The following NEXMIF variants were observed in gnomAD, a reference collection of about 807,000 sequenced individuals.
NEXMIF encodes the protein neurite extension and migration factor.
NEXMIF carries 8 observed loss-of-function variants against 62.1 expected under a neutral mutation model. The ratio of observed to expected loss-of-function variants is 0.13; its 90% confidence interval spans 0.08 to 0.23. NEXMIF has a LOEUF of 0.23. NEXMIF is among the 10% of genes least tolerant of loss of function. The pLI, the probability that NEXMIF is intolerant of heterozygous loss-of-function variation, is 1.00. For missense variants in NEXMIF, 976 were observed against 1,113.3 expected, an observed-to-expected ratio of 0.88 and a Z score of 1.75; for synonymous variants, 404 against 416.6, an observed-to-expected ratio of 0.97 and a Z score of 0.37.
chrX:74,745,012 T>G (rs1267283818), intron 2 of NEXMIF, among the ~76,000 whole-genome samples: 2 of 106,456 alleles, frequency 1.9e-5, no homozygotes, highest in African/African-American at 6.9e-5. Flanking sequence ...TTTTGAGTCT[T>G]GCTCTATTGC....
chrX:74,773,986 C>G (rs953883719), intron 1 of NEXMIF, among the ~76,000 whole-genome samples: 6 of 106,369 alleles, frequency 5.6e-5, no homozygotes, highest in African/African-American at 2.0e-4. Context: ...TGATGAACAT[C>G]TGTAATTGAG....
intron 1 of NEXMIF, among the ~76,000 whole-genome samples, chrX:74,849,287 G>A (rs1463872862): frequency 8.9e-6 from 1 of 112,576 alleles, no homozygotes; most frequent in Non-Finnish European, 1.9e-5. Context: ...GAAGGAGAGG[G>A]AAGAAAGGCA....
intron 1 of NEXMIF, among the ~76,000 whole-genome samples, chrX:74,913,565 A>C (rs1341139941): frequency 9.0e-6 from 1 of 110,737 alleles, no homozygotes; most frequent in Non-Finnish European, 1.9e-5. Flanking sequence ...AGCATATACC[A>C]AACCAGATGA....
Position 74,754,465 on chromosome X carries a change from C to T in NEXMIF, c.-47-8768G>A, listed in dbSNP as rs772877360. Among the ~76,000 whole-genome samples the T allele has an allele frequency of 7.4e-5, 8 of 107,743 alleles. No individual in the cohort carries two copies. In the East Asian group the frequency reaches 1.2e-3, roughly 16 times the overall value. The allele number at this position is 107,743 out of a possible 115,157, so 93.6% of individuals were successfully genotyped here. A position where few individuals can be genotyped will look rare whatever the true frequency, so the allele number is the denominator to read the frequency against. On this transcript the variant is annotated intron_variant, in intron 1 of 3. Coordinates refer to ENST00000055682, the MANE Select transcript of NEXMIF (RefSeq NM_001008537.3). ...CTGAGATTACAGGCGCCTGACACCA[C>T]GCCTGGCTAATTTTTGTATTTTTAG...
intron 1 of NEXMIF, among the ~76,000 whole-genome samples, chrX:74,775,186 C>T (rs1337337414): frequency 1.8e-5 from 2 of 111,537 alleles, no homozygotes; most frequent in South Asian, 3.8e-4. Flanking sequence ...TTGCTCCAAT[C>T]ATTTTCCAAT....
intron 1 of NEXMIF, among the ~76,000 whole-genome samples, chrX:74,794,165 C>T (rs2080296861): frequency 9.1e-6 from 1 of 110,452 alleles, no homozygotes. Context: ...GTTTGGATGT[C>T]CTTTCTGTTT....
intron 1 of NEXMIF, among the ~76,000 whole-genome samples, chrX:74,812,337 A>C (rs1270354182): frequency 1.8e-5 from 2 of 112,050 alleles, no homozygotes; most frequent in African/African-American, 6.5e-5. Flanking sequence ...ATTAACACAT[A>C]GTTTCCCTAG....
intron 1 of NEXMIF, among the ~76,000 whole-genome samples, chrX:74,835,333 C>T (rs1258223647): frequency 1.8e-5 from 2 of 111,384 alleles, no homozygotes; most frequent in Non-Finnish European, 3.8e-5. Flanking sequence ...TTGATGAGCT[C>T]ATGTTTTCCT....
At chrX:74,880,465 T>A (rs1401593177) in intron 1 of NEXMIF, among the ~76,000 whole-genome samples, 1 of 111,760 alleles carries the variant, frequency 8.9e-6, no homozygotes, top group African/African-American at 3.3e-5. Context: ...TAACATTTGG[T>A]AATTCTCAGA....
At chrX:74,818,107 TA>T (rs751265273) in intron 1 of NEXMIF, among the ~76,000 whole-genome samples, 12 of 108,593 alleles carry the variant, frequency 1.1e-4, no homozygotes, top group East Asian at 8.5e-4. Context: ...AAAAAAATTA[TA>T]AAAAAAATTA....
intron 1 of NEXMIF, among the ~76,000 whole-genome samples, chrX:74,878,433 T>TG (rs1305944253): frequency 8.9e-6 from 1 of 112,499 alleles, no homozygotes; most frequent in East Asian, 2.8e-4. Context: ...AGGTTACTGC[T>TG]GTCTTTGTGT....
intron 1 of NEXMIF, among the ~76,000 whole-genome samples, chrX:74,794,393 G>A (rs1332465541): frequency 1.9e-5 from 2 of 107,471 alleles, no homozygotes; most frequent in African/African-American, 6.8e-5. Flanking sequence ...GTCAGACAGG[G>A]ACATTTAAGT....
intron 1 of NEXMIF, among the ~76,000 whole-genome samples, chrX:74,756,106 C>G (rs1388155678): frequency 1.8e-5 from 2 of 109,021 alleles, no homozygotes; most frequent in African/African-American, 6.7e-5. Flanking sequence ...AACTCCTGAT[C>G]TCGTGATCCA....
At position 74,760,848 on chromosome X, in the gene NEXMIF, T is replaced by G. The variant is rs1335992014; in HGVS notation, c.-47-15151A>C. Among the ~76,000 whole-genome samples the G allele has an allele frequency of 1.5e-4, 5 of 32,459 alleles. No homozygotes were observed. The East Asian group carries it at 1.6e-3, about 10-fold the overall frequency. 28.2% of individuals were successfully genotyped at this position (32,459 alleles called of 115,157 possible). On this transcript the variant is annotated intron_variant, in intron 1 of 3. Coordinates refer to ENST00000055682, the MANE Select transcript of NEXMIF (RefSeq NM_001008537.3). ...CAAGGTTATTGGCCCTAAGATTTAT[T>G]TATTTATTTATTTATTTATTTATTT...
chrX:74,740,909 G>A lies in NEXMIF; in HGVS notation c.3648C>T (p.Ser1216=), dbSNP rs747053627. The A allele has an allele frequency of 5.8e-6, 7 of 1,211,377 alleles. No individual in the cohort carries two copies. In the South Asian group the frequency reaches 1.2e-4, roughly 21 times the overall value. ...KGIEKPPGKN[S]RQVPKSTKKG... ...TCTTTGTGGACTTAGGGACCTGGCG[G>A]GAGTTTTTGCCAGGTGGTTTTTCAA... The change falls in exon 3 of 4, where the codon TCC becomes TCT. Residue 1216 remains serine (S), a synonymous_variant. Coordinates refer to ENST00000055682, the MANE Select transcript of NEXMIF (RefSeq NM_001008537.3).
intron 1 of NEXMIF, among the ~76,000 whole-genome samples, chrX:74,857,851 T>C (rs1390712328): frequency 9.0e-6 from 1 of 111,451 alleles, no homozygotes. Flanking sequence ...GGGCTTCAAG[T>C]GAACATTGGC....
chrX:74,791,711 T>A lies in NEXMIF; in HGVS notation c.-47-46014A>T, dbSNP rs183110726. Among the ~76,000 whole-genome samples the A allele has an allele frequency of 7.5e-3, 823 of 109,894 alleles. 5 individuals carry two copies. The highest frequency in any genetic ancestry group is 0.011 in the Non-Finnish European group (552 of 52,565). On this transcript the variant is annotated intron_variant, in intron 1 of 3. Coordinates refer to ENST00000055682, the MANE Select transcript of NEXMIF (RefSeq NM_001008537.3). Reference sequence around the variant, plus strand: ...TCTTCCTGGTTTAGTCTTGGGAGAGTGTATGTGACGAGGAATTTATCCATT... The same window carrying A: ...TCTTCCTGGTTTAGTCTTGGGAGAGAGTATGTGACGAGGAATTTATCCATT...
intron 1 of NEXMIF, among the ~76,000 whole-genome samples, chrX:74,805,107 T>C (rs933022978): frequency 2.7e-5 from 3 of 112,539 alleles, no homozygotes; most frequent in Non-Finnish European, 5.6e-5. Flanking sequence ...CCATGGCTGC[T>C]GCCAGGACAT....
intron 1 of NEXMIF, among the ~76,000 whole-genome samples, chrX:74,749,320 G>A (rs1350080956): frequency 9.0e-6 from 1 of 110,809 alleles, no homozygotes; most frequent in Non-Finnish European, 1.9e-5. Flanking sequence ...GGACCTTCAT[G>A]AAATGCTACA....
Sources: gnomAD v4.1 joint callset for allele counts (sites outside exome capture counted in the v4.1 genomes callset) on GRCh38, gnomAD v4.1.1 for gene constraint, MANE v1.5 for transcripts, NCBI Gene and HGNC (gene_info 2026-07-23, HGNC 2026-07-21) for gene names.